Variants in SLC22A24 observed in about 807,000 individuals in gnomAD.
SLC22A24 encodes the protein steroid transmembrane transporter SLC22A24.
A neutral mutation model predicts 49.8 loss-of-function variants in SLC22A24; 53 were observed. That is an observed-to-expected ratio of 1.06 (90% CI 0.85 to 1.34). The LOEUF (loss-of-function observed/expected upper bound fraction) is 1.34. Ranked by LOEUF, SLC22A24 falls within the 40% of genes most tolerant of loss-of-function variation. The probability of loss-of-function intolerance (pLI) is 0.00; values close to 1 mark genes in which losing one functional copy is unlikely to be tolerated. For synonymous variants in SLC22A24, 302 were observed against 256.4 expected (o/e 1.18, Z -1.70); for missense variants, 786 against 675.9 (o/e 1.16, Z -1.81).
intron 4 of SLC22A24, 140 bp from the exon 5 acceptor site, chr11:63,104,438 T>G (rs1019992066): frequency 7.6e-6 from 6 of 794,056 alleles, no homozygotes; most frequent in Non-Finnish European, 1.2e-5. Flanking sequence ...ATTGGCCTCC[T>G]CTGCTGGACT....
rs1402442294 is a variant in SLC22A24 at position 63,096,062 on chromosome 11, A to T, written c.999T>A (p.Ile333=). ...TMKKELDAVR[I]KTSIFSLFRA... ...GGAACAGGGAAAAAATGGATGTTTT[A>T]ATTCGGACTGCATCCAACTCCTTCT... Residue 333 remains isoleucine, a synonymous_variant, in exon 6 of 10, where the codon ATT becomes ATA. Coordinates refer to ENST00000612278, the MANE Select transcript of SLC22A24 (RefSeq NM_001136506.2). 1 of 1,550,936 alleles carries T rather than the reference A, an allele frequency of 6.4e-7. No individual in the cohort carries two copies. Among genetic ancestry groups the T allele is most frequent in the South Asian group, 1.2e-5 (1 of 84,024 alleles).
At chr11:63,102,945 T>C (rs1464747894) in intron 5 of SLC22A24, among the ~76,000 whole-genome samples, 1 of 152,156 alleles carries the variant, frequency 6.6e-6, no homozygotes, top group Non-Finnish European at 1.5e-5. Flanking sequence ...ACAGATGTCT[T>C]GTGTCTTTAG....
chr11:63,103,081 C>A (rs1056500272), intron 5 of SLC22A24, among the ~76,000 whole-genome samples: 32 of 152,218 alleles, frequency 2.1e-4, no homozygotes, highest in African/African-American at 7.5e-4. Flanking sequence ...TGAAATAATA[C>A]TTTTCCAGAC....
In SLC22A24 at chr11:63,143,512, G is replaced by C. The variant is rs556942414; in HGVS notation, c.268C>G (p.Arg90Gly). The change falls in exon 1 of 10, where the codon CGC becomes GGC. Residue 90 changes from arginine to glycine, a missense_variant. Coordinates refer to ENST00000612278, the MANE Select transcript of SLC22A24 (RefSeq NM_001136506.2). ...DSNLRPQKCQ[R>G]FIHPQWQLLH... ...AGCTGCCACTGGGGATGGATAAAGC[G>C]CTGACACTTCTGTGGCCTCAGGTTT... 6.9e-6 allele frequency: 11 copies of C among 1,599,860 alleles called. No homozygotes were observed. Among genetic ancestry groups the C allele is most frequent in the Non-Finnish European group, 9.4e-6 (11 of 1,173,716 alleles).
At chr11:63,134,790 A>G (rs780099225) in intron 1 of SLC22A24, 22 bp from the exon 2 acceptor site, 5 of 1,500,720 alleles carry the variant, frequency 3.3e-6, no homozygotes, top group East Asian at 4.8e-5. Flanking sequence ...AGAAAGCAGT[A>G]CAGCAGAGCT....
At chr11:63,083,532 G>T in intron 6 of SLC22A24, 75 bp from the exon 7 acceptor site, 6 of 1,233,616 alleles carry the variant, frequency 4.9e-6, no homozygotes, top group South Asian at 2.9e-5. Context: ...AGATTTTGAA[G>T]GTAAGTCCTA....
chr11:63,133,054 G>A (rs923394462), intron 2 of SLC22A24, among the ~76,000 whole-genome samples: 3 of 152,112 alleles, frequency 2.0e-5, no homozygotes, highest in South Asian at 2.1e-4. Flanking sequence ...CTGCAGTATC[G>A]CAGGTCGATC....
rs993421255 is a variant in SLC22A24, at chr11:63,144,210, A to C, written c.-431T>G. The C allele has an allele frequency of 1.3e-5, 2 of 154,220 alleles. No individual in the cohort carries two copies. The highest frequency in any genetic ancestry group is 2.9e-5 in the Non-Finnish European group (2 of 69,458). The allele number at this position is 154,220 out of a possible 1,614,324, so 9.6% of individuals were successfully genotyped here. On this transcript the variant is annotated 5_prime_UTR_variant, in exon 1 of 10. Transcript: ENST00000612278. Reference sequence around the variant, plus strand: ...TTAGAAATGGGATATTAGAAAATCCAAAGTGAATTGCTTTATGATGTTCTT... The same window carrying C: ...TTAGAAATGGGATATTAGAAAATCCCAAGTGAATTGCTTTATGATGTTCTT...
chr11:63,079,952 T>C lies in SLC22A24; in HGVS notation c.1647A>G (p.Val549=). The part of the protein sequence containing the change: ...NIKQEDTCMK[V]TQF ...TCTTGGGAATCTCTTAAAACTGTGTTACTTTCATGCAAGTATCTTCCTGCT... is the reference window on the plus strand; with the variant it reads ...TCTTGGGAATCTCTTAAAACTGTGTCACTTTCATGCAAGTATCTTCCTGCT... Residue 549 remains valine (V), a synonymous_variant, in exon 10 of 10, where the codon GTA becomes GTG. Transcript: ENST00000612278. The C allele has an allele frequency of 6.5e-7, 1 of 1,545,138 alleles. No individual in the cohort carries two copies. The highest frequency in any genetic ancestry group is 8.8e-7 in the Non-Finnish European group (1 of 1,141,088).
In SLC22A24 at chr11:63,104,309, A is replaced by C. The variant is rs934983722; in HGVS notation, c.831-11T>G. The C allele has an allele frequency of 6.5e-7, 1 of 1,547,068 alleles. No homozygotes were observed. Among genetic ancestry groups the C allele is most frequent in the Non-Finnish European group, 8.7e-7 (1 of 1,146,076 alleles). The stretch of plus-strand genomic sequence containing the variant: ...GACTCCACCATCTTCCTGATGAAAG[A>C]AGACAACATAGGTATAGTAAACAAT... On this transcript the variant is annotated splice_polypyrimidine_tract_variant and intron_variant, in intron 4 of 9. Transcript: ENST00000612278.
chr11:63,081,741 CT>C, intron 7 of SLC22A24, 75 bp from the exon 8 acceptor site: 4 of 981,822 alleles, frequency 4.1e-6, no homozygotes, highest in Non-Finnish European at 6.4e-6. Context: ...TAAAAAGATT[CT>C]AATGGAGGAA....
intron 2 of SLC22A24, among the ~76,000 whole-genome samples, chr11:63,132,146 T>C (rs2087340865): frequency 6.6e-6 from 1 of 152,246 alleles, no homozygotes; most frequent in Admixed American, 6.5e-5. Flanking sequence ...CTTTAAGGTC[T>C]TTTCTACACT....
rs193097417 is a variant in SLC22A24, at chr11:63,142,323, G to A, written c.402+1055C>T. Among the ~76,000 whole-genome samples, 448 of 152,192 alleles carry A rather than the reference G, an allele frequency of 2.9e-3. 2 individuals carry two copies. Among genetic ancestry groups the A allele is most frequent in the Non-Finnish European group, 5.4e-3 (369 of 68,010 alleles). On this transcript the variant is annotated intron_variant, in intron 1 of 9. Coordinates refer to ENST00000612278, the MANE Select transcript of SLC22A24 (RefSeq NM_001136506.2). ...TCATAGCCTACATCTTAAGATTAAG[G>A]TGTTATAAAACCCAAAGGGAGGGAT...
Position 63,113,011 on chromosome 11 carries a change from CAAAAAAAA to C in SLC22A24, c.830+5893_830+5900del, listed in dbSNP as rs869264212. Among the ~76,000 whole-genome samples, 20 of 12,026 alleles carry C rather than the reference CAAAAAAAA, an allele frequency of 1.7e-3. 3 individuals are homozygous for C. Among genetic ancestry groups the C allele is most frequent in the African/African-American group, 7.7e-3 (18 of 2,336 alleles). 7.9% of individuals were successfully genotyped at this position (12,026 alleles called of 152,430 possible). On this transcript the variant is annotated intron_variant, in intron 4 of 9. Transcript: ENST00000612278. ...GCCTGTGTGACAGCAGACTCTGTCT[CAAAAAAAA>C]AAAAAAAAAAAAAAAAATATATATA... is the stretch of plus-strand genomic sequence containing the variant.
intron 9 of SLC22A24, among the ~76,000 whole-genome samples, chr11:63,080,527 T>A (rs1298141803): frequency 6.6e-6 from 1 of 152,154 alleles, no homozygotes; most frequent in Non-Finnish European, 1.5e-5. Flanking sequence ...TCCCACCACA[T>A]AACAGGCACT....
intron 4 of SLC22A24, among the ~76,000 whole-genome samples, chr11:63,108,773 G>C (rs1470552275): frequency 6.7e-6 from 1 of 150,204 alleles, no homozygotes; most frequent in African/African-American, 2.5e-5. Context: ...GGGATCAGTG[G>C]TGATATCCCC....
chr11:63,140,075 G>GGTTTTTTTTTTTGTTT (rs748998422), intron 1 of SLC22A24, among the ~76,000 whole-genome samples: 1 of 85,760 alleles, frequency 1.2e-5, no homozygotes, highest in Non-Finnish European at 2.5e-5. Flanking sequence ...TTGTTTTTTT[G>GGTTTTTTTTTTTGTTT]TTTTTTTTTT....
At chr11:63,127,742 T>G (rs2087302098) in intron 2 of SLC22A24, among the ~76,000 whole-genome samples, 1 of 152,222 alleles carries the variant, frequency 6.6e-6, no homozygotes, top group Non-Finnish European at 1.5e-5. Flanking sequence ...ATGATGAACA[T>G]TTTTTCATAT....
chr11:63,120,080 A>G lies in SLC22A24; in HGVS notation c.507-745T>C, dbSNP rs187256880. On this transcript the variant is annotated intron_variant, in intron 2 of 9. Coordinates refer to ENST00000612278, the MANE Select transcript of SLC22A24 (RefSeq NM_001136506.2). ...CTCCGATTTTGTAGGTTGCCTGTTC[A>G]CTCTGACGGTAGTTTCTTTTGCTGT... Among the ~76,000 whole-genome samples, 801 of 150,306 alleles carry G rather than the reference A, an allele frequency of 5.3e-3. 7 individuals carry two copies. Among genetic ancestry groups the G allele is most frequent in the Non-Finnish European group, 6.5e-3 (441 of 67,554 alleles).
Sources: allele counts gnomAD v4.1 joint callset (sites outside exome capture counted in the v4.1 genomes callset), GRCh38; gene constraint gnomAD v4.1.1; transcripts MANE v1.5; gene names NCBI Gene and HGNC (gene_info 2026-07-23, HGNC 2026-07-21).